Variants in FBXO21 observed in about 807,000 individuals in gnomAD.
The protein encoded by FBXO21 is F-box protein 21.
A neutral mutation model predicts 76.6 loss-of-function variants in FBXO21; 32 were observed. The observed-to-expected ratio is 0.42, with a 90% CI of 0.32 to 0.56. The LOEUF is 0.56. Ranked by LOEUF, FBXO21 falls within the 20% of genes least tolerant of loss-of-function variation. FBXO21 has a pLI of 0.16. For missense variants in FBXO21, 586 were observed against 797.3 expected, an observed-to-expected ratio of 0.73 and a Z score of 3.19; for synonymous variants, 328 against 311.5, an observed-to-expected ratio of 1.05 and a Z score of -0.56.
rs1329314359 is a variant in FBXO21, at chr12:117,167,077, C to T, written c.1014G>A (p.Gly338=). Reference sequence around the variant, plus strand: ...TGTAGTCAAAGATGTCCAGGGTCGCCCTATCCAAAGAGCCAAATATCAGAT... The same window carrying T: ...TGTAGTCAAAGATGTCCAGGGTCGCTCTATCCAAAGAGCCAAATATCAGAT... ...FLLRWCQGAE[G]ATLDIFDYIY... The change falls in exon 8 of 12, where the codon GGG becomes GGA. Residue 338 remains glycine (G), a splice_region_variant and synonymous_variant. Coordinates refer to ENST00000622495, the MANE Select transcript of FBXO21 (RefSeq NM_015002.3). The T allele has an allele frequency of 1.2e-6, 2 of 1,613,330 alleles. No individual in the cohort carries two copies. The highest frequency in any genetic ancestry group is 3.3e-5 in the Admixed American group (2 of 59,984).
intron 2 of FBXO21, among the ~76,000 whole-genome samples, chr12:117,187,136 C>T (rs1307169263): frequency 6.7e-6 from 1 of 149,728 alleles, no homozygotes; most frequent in East Asian, 2.0e-4. Context: ...AAAAAGGCGG[C>T]GGCGGCAGGT....
At position 117,144,376 on chromosome 12, in the gene FBXO21, T is replaced by A. The variant is rs1174640483; in HGVS notation, c.*1711A>T. ...GGTTCAAATCCTTTGACTTTGGATT[T>A]GACTGATGAGGAACATGGACAGTGG... On this transcript the variant is annotated 3_prime_UTR_variant, in exon 12 of 12. Coordinates refer to ENST00000622495, the MANE Select transcript of FBXO21 (RefSeq NM_015002.3). 2 of 152,244 alleles carry A rather than the reference T, an allele frequency of 1.3e-5. No individual in the cohort carries two copies. The highest frequency in any genetic ancestry group is 2.9e-5 in the Non-Finnish European group (2 of 68,048). The allele number at this position is 152,244 out of a possible 1,614,324, so 9.4% of individuals were successfully genotyped here.
At chr12:117,151,205 C>A (rs1045801767) in intron 11 of FBXO21, among the ~76,000 whole-genome samples, 1 of 152,018 alleles carries the variant, frequency 6.6e-6, no homozygotes. Flanking sequence ...GACCTAGACT[C>A]GGAGCTTCCG....
At chr12:117,164,274 C>CTTTTTTTTTTTT (rs538169408) in intron 9 of FBXO21, among the ~76,000 whole-genome samples, 1 of 126,838 alleles carries the variant, frequency 7.9e-6, no homozygotes, top group Non-Finnish European at 1.7e-5. Context: ...CTTTTCTTTT[C>CTTTTTTTTTTTT]TTTTTTTTTT....
At chr12:117,151,942 C>A (rs996209694) in intron 11 of FBXO21, among the ~76,000 whole-genome samples, 1 of 152,172 alleles carries the variant, frequency 6.6e-6, no homozygotes, top group East Asian at 1.9e-4. Context: ...AGAGTGACCA[C>A]GTGGATTTCT....
At chr12:117,156,017 G>C in intron 10 of FBXO21, 69 bp from the exon 11 acceptor site, 2 of 1,476,702 alleles carry the variant, frequency 1.4e-6, no homozygotes, top group African/African-American at 2.8e-5. Context: ...CAACCGCGTG[G>C]CTTCTCAGCT....
chr12:117,160,478 T>A (rs985411159), intron 9 of FBXO21, among the ~76,000 whole-genome samples: 5 of 152,206 alleles, frequency 3.3e-5, no homozygotes, highest in African/African-American at 1.2e-4. Flanking sequence ...CAGGTCAGGA[T>A]GAATGCATCA....
rs144893839 is a variant in FBXO21, at chr12:117,146,139, T to C, written c.1814A>G (p.Tyr605Cys). 55 of 1,613,676 alleles carry C rather than the reference T, an allele frequency of 3.4e-5. No individual in the cohort carries two copies. Among genetic ancestry groups the C allele is most frequent in the African/African-American group, 8.0e-5 (6 of 74,902 alleles). Residue 605 changes from tyrosine to cysteine, a missense_variant, in exon 12 of 12, where the codon TAT becomes TGT. Transcript: ENST00000622495. Reference sequence around the variant, plus strand: ...ACTGTAAATATTCTGCACCGTTTCATAGACAAACTCCAGATCTTCTGGATA... The same window carrying C: ...ACTGTAAATATTCTGCACCGTTTCACAGACAAACTCCAGATCTTCTGGATA... ...IRYPEDLEFVYETVQNIYSAK... is the reference protein window; with the variant it reads ...IRYPEDLEFVCETVQNIYSAK...
rs530429684 is a variant in FBXO21 at position 117,190,464 on chromosome 12, G to C, written c.-8C>G. 7.9e-6 allele frequency: 10 copies of C among 1,262,110 alleles called. No homozygotes were observed. In the African/African-American group the frequency reaches 1.4e-4, roughly 18 times the overall value. The allele number at this position is 1,262,110 out of a possible 1,614,324, so 78.2% of individuals were successfully genotyped here. A position where few individuals can be genotyped will look rare whatever the true frequency, so the allele number is the denominator to read the frequency against. ...GACTGCTGCCGCCGCCATCTTGTCC[G>C]CGTACCTGGGGCCGCCGCGCGCGCG... On this transcript the variant is annotated 5_prime_UTR_variant, in exon 1 of 12. Coordinates refer to ENST00000622495, the MANE Select transcript of FBXO21 (RefSeq NM_015002.3).
In FBXO21 at chr12:117,174,344, G is replaced by A. The variant is rs779714445; in HGVS notation, c.740-3C>T. 12 of 1,612,948 alleles carry A rather than the reference G, an allele frequency of 7.4e-6. No homozygotes were observed. The East Asian group carries it at 2.2e-4, about 30-fold the overall frequency. ...TTCCATTATCATGGATGATTCACCT[G>A]AAACACAGAGATCTACTCTGGGACC... On this transcript the variant is annotated splice_region_variant and splice_polypyrimidine_tract_variant and intron_variant, in intron 5 of 11. Coordinates refer to ENST00000622495, the MANE Select transcript of FBXO21 (RefSeq NM_015002.3).
At chr12:117,176,778 A>AT (rs1327270454) in intron 4 of FBXO21, among the ~76,000 whole-genome samples, 12 of 151,960 alleles carry the variant, frequency 7.9e-5, no homozygotes, top group African/African-American at 1.2e-4. Context: ...AAATAAATAC[A>AT]TTTTTTTTAA....
intron 2 of FBXO21, among the ~76,000 whole-genome samples, chr12:117,187,795 C>T (rs1956298414): frequency 6.6e-6 from 1 of 152,218 alleles, no homozygotes; most frequent in African/African-American, 2.4e-5. Flanking sequence ...CCAAACATAG[C>T]TAGTACCAAA....
intron 11 of FBXO21, among the ~76,000 whole-genome samples, chr12:117,153,103 T>C (rs966919273): frequency 9.9e-5 from 15 of 151,826 alleles, no homozygotes; most frequent in Admixed American, 5.9e-4. Flanking sequence ...AGTGGCCCGG[T>C]CCAGGGACAC....
intron 4 of FBXO21, among the ~76,000 whole-genome samples, chr12:117,175,970 T>C (rs934338898): frequency 4.6e-5 from 7 of 151,718 alleles, no homozygotes; most frequent in African/African-American, 1.7e-4. Flanking sequence ...AAACAGAAGA[T>C]AGGATGCTTC....
intron 3 of FBXO21, among the ~76,000 whole-genome samples, chr12:117,182,873 CTT>C (rs1956248840): frequency 6.6e-6 from 1 of 152,166 alleles, no homozygotes; most frequent in East Asian, 1.9e-4. Flanking sequence ...GGGAAGATCT[CTT>C]GAGGCCAGGA....
At chr12:117,156,609 A>G (rs1298845399) in intron 10 of FBXO21, among the ~76,000 whole-genome samples, 1 of 152,222 alleles carries the variant, frequency 6.6e-6, no homozygotes, top group East Asian at 1.9e-4. Context: ...CAATTAACCC[A>G]GGGAGGAAGG....
chr12:117,142,082 T>C lies in FBXO21; in HGVS notation c.*4005A>G, dbSNP rs757936524. The stretch of plus-strand genomic sequence containing the variant: ...AATACATGTATTCTATAATTGCGCC[T>C]AATTTTATTCACCGGAGGGACGTCC... On this transcript the variant is annotated 3_prime_UTR_variant, in exon 12 of 12. Coordinates refer to ENST00000622495, the MANE Select transcript of FBXO21 (RefSeq NM_015002.3). The C allele has an allele frequency of 1.3e-5, 2 of 151,346 alleles. No homozygotes were observed. The highest frequency in any genetic ancestry group is 3.0e-5 in the Non-Finnish European group (2 of 67,758). The allele number at this position is 151,346 out of a possible 1,614,324, so 9.4% of individuals were successfully genotyped here.
intron 7 of FBXO21, among the ~76,000 whole-genome samples, chr12:117,170,797 A>C (rs536774352): frequency 6.6e-6 from 1 of 152,312 alleles, no homozygotes; most frequent in South Asian, 2.1e-4. Flanking sequence ...TGGTGTCTTA[A>C]ATGTTTTATA....
chr12:117,151,337 T>C (rs1220460564), intron 11 of FBXO21, among the ~76,000 whole-genome samples: 1 of 144,814 alleles, frequency 6.9e-6, no homozygotes, highest in Non-Finnish European at 1.6e-5. Flanking sequence ...GACATCCCAT[T>C]AGGGTTTAGG....
Sources: allele counts gnomAD v4.1 joint callset (sites outside exome capture counted in the v4.1 genomes callset), GRCh38; gene constraint gnomAD v4.1.1; transcripts MANE v1.5; gene names NCBI Gene and HGNC (gene_info 2026-07-23, HGNC 2026-07-21).